The following DHX9 variants were observed in gnomAD, a reference collection of about 807,000 sequenced individuals.
DHX9 encodes the protein DExH-box helicase 9, also known as ATP-dependent RNA helicase A.
In DHX9, 27 loss-of-function variants were observed where a neutral mutation model predicts 148.7. The observed-to-expected ratio is 0.18, with a 90% confidence interval of 0.13 to 0.25. The LOEUF (loss-of-function observed/expected upper bound fraction) is 0.25. Among genes scored for constraint, DHX9 ranks in the 10% least tolerant of loss-of-function variants. The probability of loss-of-function intolerance (pLI) is 1.00; values close to 1 mark genes in which losing one functional copy is unlikely to be tolerated. For missense variants in DHX9, 796 were observed against 1,559.6 expected (o/e 0.51, Z 8.25); for synonymous variants, 529 against 516.6 (o/e 1.02, Z -0.33).
chr1:182,865,495 T>C (rs962898824), intron 12 of DHX9, among the ~76,000 whole-genome samples: 12 of 152,244 alleles, frequency 7.9e-5, no homozygotes, highest in South Asian at 2.1e-4. Context: ...AAAATCCTTA[T>C]CCATTGCTAA....
chr1:182,848,434 A>G (rs1365556560), intron 3 of DHX9, among the ~76,000 whole-genome samples: 1 of 152,242 alleles, frequency 6.6e-6, no homozygotes, highest in East Asian at 1.9e-4. Flanking sequence ...CAAGATGAGA[A>G]ACCTTGTTCC....
At chr1:182,844,773 T>A (rs1667997817) in intron 3 of DHX9, among the ~76,000 whole-genome samples, 1 of 152,160 alleles carries the variant, frequency 6.6e-6, no homozygotes, top group African/African-American at 2.4e-5. Context: ...GACCTCGGCC[T>A]CCCAAAGTGC....
intron 22 of DHX9, 107 bp downstream of exon 22, chr1:182,880,715 A>C (rs1439865183): frequency 5.7e-6 from 4 of 704,106 alleles, no homozygotes; most frequent in African/African-American, 1.8e-5. Flanking sequence ...AAAAATCCTA[A>C]ATGTTCTTCA....
chr1:182,849,811 T>C (rs187979296), intron 3 of DHX9, among the ~76,000 whole-genome samples: 1 of 152,176 alleles, frequency 6.6e-6, no homozygotes, highest in South Asian at 2.1e-4. Flanking sequence ...CCTTTTTTTT[T>C]AATTGGATTC....
intron 21 of DHX9, 112 bp from the exon 22 acceptor site, chr1:182,880,385 G>T: frequency 1.6e-6 from 1 of 620,916 alleles, no homozygotes; most frequent in East Asian, 2.9e-5. Flanking sequence ...TTAGCGATTG[G>T]CTTGACAAAA....
At chr1:182,868,520 CT>C (rs59218081) in intron 14 of DHX9, among the ~76,000 whole-genome samples, 103 of 127,418 alleles carry the variant, frequency 8.1e-4, no homozygotes, top group Non-Finnish European at 7.8e-4. Context: ...ATTTTAATTC[CT>C]TTTTTTTTTT....
rs753072132 is a variant in DHX9, at chr1:182,866,424, TTTC to T, written c.1333-17_1333-15del. 3 of 1,610,246 alleles carry T rather than the reference TTTC, an allele frequency of 1.9e-6. No individual in the cohort carries two copies. In the East Asian group the frequency reaches 6.7e-5, roughly 36 times the overall value. On this transcript the variant is annotated splice_polypyrimidine_tract_variant and intron_variant, in intron 12 of 27. Transcript: ENST00000367549. The stretch of plus-strand genomic sequence containing the variant: ...CTAACTTTGTAGTTGTTAAGTCACT[TTTC>T]TTTTTTTCTGTCTCAGCCCAGAAGA...
chr1:182,848,541 A>G (rs6678996), intron 3 of DHX9, among the ~76,000 whole-genome samples: 3,498 of 152,256 alleles, frequency 0.023, 135 homozygotes, highest in African/African-American at 0.081. Context: ...CAACATTTAG[A>G]ATGGTTCCTG....
chr1:182,876,778 TTAAG>T, intron 18 of DHX9, 48 bp from the exon 19 acceptor site: 1 of 1,400,214 alleles, frequency 7.1e-7, no homozygotes, highest in Non-Finnish European at 1.0e-6. Context: ...ATCAGTCCTT[TTAAG>T]TAACTAATAA....
intron 3 of DHX9, among the ~76,000 whole-genome samples, chr1:182,847,937 A>G (rs1484560060): frequency 1.3e-5 from 2 of 152,160 alleles, no homozygotes; most frequent in Admixed American, 1.3e-4. Flanking sequence ...TTACTTGGCT[A>G]CAACCAGAAG....
chr1:182,860,316 A>G, intron 12 of DHX9, 132 bp downstream of exon 12: 2 of 778,440 alleles, frequency 2.6e-6, no homozygotes, highest in Non-Finnish European at 1.9e-6. Flanking sequence ...AAAAAAAGAA[A>G]ACATAAAAAC....
In DHX9 at chr1:182,883,500, GTC is replaced by G. The variant is rs1444579796; in HGVS notation, c.3145-16_3145-15del. The G allele has an allele frequency of 2.5e-6, 4 of 1,606,772 alleles. No homozygotes were observed. Reference sequence around the variant, plus strand: ...GTTGGAATGTCAACCATTTTGTATTGTCTCTTTCTCCATTTGCAGATTCGAAC... The same window carrying G: ...GTTGGAATGTCAACCATTTTGTATTGTCTTTCTCCATTTGCAGATTCGAAC... On this transcript the variant is annotated intron_variant, in intron 25 of 27. Transcript: ENST00000367549.
Position 182,887,170 on chromosome 1 carries a change from A to C in DHX9, c.3549A>C (p.Gly1183=), listed in dbSNP as rs777590769. Residue 1183 remains glycine (G), a synonymous_variant, in exon 28 of 28, where the codon GGA becomes GGC. Coordinates refer to ENST00000367549, the MANE Select transcript of DHX9 (RefSeq NM_001357.5). ...GGGGAGGTTCTAGTTACAGTGGTGGAGGCTATGGCGGTGGCTATAGCAGTG... is the reference window on the plus strand; with the variant it reads ...GGGGAGGTTCTAGTTACAGTGGTGGCGGCTATGGCGGTGGCTATAGCAGTG... ...YRRGGSSYSG[G]GYGGGYSSGG... is the part of the protein sequence containing the mutation. 1 of 1,614,100 alleles carries C rather than the reference A, an allele frequency of 6.2e-7. No homozygotes were observed. The highest frequency in any genetic ancestry group is 8.5e-7 in the Non-Finnish European group (1 of 1,179,972).
chr1:182,870,430 G>C (rs764840552), intron 14 of DHX9, among the ~76,000 whole-genome samples: 12 of 152,156 alleles, frequency 7.9e-5, no homozygotes, highest in Admixed American at 2.6e-4. Flanking sequence ...TAAAATAATC[G>C]AGACAGTGAG....
At chr1:182,873,050 G>C (rs914094738) in intron 15 of DHX9, among the ~76,000 whole-genome samples, 1 of 152,144 alleles carries the variant, frequency 6.6e-6, no homozygotes, top group Admixed American at 6.6e-5. Flanking sequence ...CTGGCTCCCA[G>C]GCTCAACCAG....
chr1:182,842,334 T>C (rs182507969), intron 1 of DHX9, among the ~76,000 whole-genome samples: 20 of 152,340 alleles, frequency 1.3e-4, no homozygotes, highest in Admixed American at 3.9e-4. Flanking sequence ...CATGTATATG[T>C]ACTTTTCATG....
intron 1 of DHX9, among the ~76,000 whole-genome samples, chr1:182,841,886 T>G (rs1396841882): frequency 6.6e-6 from 1 of 152,220 alleles, no homozygotes; most frequent in African/African-American, 2.4e-5. Context: ...AGATTTGGTA[T>G]AGAACATTTA....
At chr1:182,886,127 G>A (rs942418244) in intron 27 of DHX9, among the ~76,000 whole-genome samples, 1 of 151,948 alleles carries the variant, frequency 6.6e-6, no homozygotes, top group African/African-American at 2.4e-5. Context: ...ATGGAATAGT[G>A]CAATGAAAGA....
intron 27 of DHX9, among the ~76,000 whole-genome samples, chr1:182,886,173 A>AT (rs113520374): frequency 0.028 from 4,234 of 148,728 alleles, 196 homozygotes; most frequent in African/African-American, 0.098. Flanking sequence ...TTTTATTTTT[A>AT]TTTTTTTTTA....
Sources: gnomAD v4.1 joint callset for allele counts (sites outside exome capture counted in the v4.1 genomes callset) on GRCh38, gnomAD v4.1.1 for gene constraint, MANE v1.5 for transcripts, NCBI Gene and HGNC (gene_info 2026-07-23, HGNC 2026-07-21) for gene names.